The following FADS3 variants were observed in gnomAD, a reference collection of about 807,000 sequenced individuals.
FADS3 encodes the protein cytochrome b5-related protein.
FADS3 carries 30 observed loss-of-function variants against 60.4 expected under a neutral mutation model. The observed-to-expected ratio is 0.50, with a 90% CI of 0.37 to 0.67. The LOEUF is 0.67. FADS3 is among the 30% of genes least tolerant of loss of function. FADS3 has a pLI of 0.00. For missense variants in FADS3, 432 were observed against 598.3 expected, an observed-to-expected ratio of 0.72 and a Z score of 2.90; for synonymous variants, 234 against 249.3, an observed-to-expected ratio of 0.94 and a Z score of 0.58.
chr11:61,878,985 C>T, intron 3 of FADS3, 138 bp from the exon 4 acceptor site: 1 of 713,378 alleles, frequency 1.4e-6, no homozygotes, highest in Non-Finnish European at 2.3e-6. Context: ...CCAGTGTCCT[C>T]TTTTTACAGA....
intron 2 of FADS3, 81 bp downstream of exon 2, chr11:61,879,960 C>T: frequency 1.7e-6 from 2 of 1,205,748 alleles, no homozygotes; most frequent in South Asian, 1.3e-5. Context: ...GGAGCTGCTC[C>T]TGGCCATGTG....
chr11:61,876,054 G>C lies in FADS3; in HGVS notation c.1160+57C>G, dbSNP rs1937865910. The C allele has an allele frequency of 1.2e-6, 2 of 1,608,912 alleles. No homozygotes were observed. Among genetic ancestry groups the C allele is most frequent in the Non-Finnish European group, 1.7e-6 (2 of 1,177,092 alleles). ...GCCCCACCCACGGGTCCCCTCCCAG[G>C]ATCCCCTCCCAGGACCCCCTCCCCA... is the stretch of plus-strand genomic sequence containing the variant. On this transcript the variant is annotated intron_variant, in intron 10 of 11. Transcript: ENST00000278829. The surrounding 1 kb of genome is among the most constrained non-coding windows in gnomAD (Gnocchi z 5.7).
chr11:61,878,859 G>A lies in FADS3; in HGVS notation c.523-12C>T. On this transcript the variant is annotated splice_polypyrimidine_tract_variant and intron_variant, in intron 3 of 11. Coordinates refer to ENST00000278829, the MANE Select transcript of FADS3 (RefSeq NM_021727.5). ...CACCAGGACTGAGCCTGGGGAGAGA[G>A]GCAGGGTCAGAAGCTGTTGGGAAGG... is the stretch of plus-strand genomic sequence containing the variant. 3 of 1,612,348 alleles carry A rather than the reference G, an allele frequency of 1.9e-6. No homozygotes were observed. Among genetic ancestry groups the A allele is most frequent in the Non-Finnish European group, 2.5e-6 (3 of 1,178,684 alleles).
chr11:61,878,232 C>T lies in FADS3; in HGVS notation c.748-17G>A, dbSNP rs953522166. The T allele has an allele frequency of 6.2e-6, 10 of 1,613,314 alleles. No individual in the cohort carries two copies. The highest frequency in any genetic ancestry group is 2.7e-5 in the African/African-American group (2 of 74,908). ...CTTGCCATACTGTGGAGACAGGCGG[C>T]GGCTGGAGACAGCAGCTCTCCAGGC... On this transcript the variant is annotated splice_polypyrimidine_tract_variant and intron_variant, in intron 5 of 11. Coordinates refer to ENST00000278829, the MANE Select transcript of FADS3 (RefSeq NM_021727.5).
intron 1 of FADS3, among the ~76,000 whole-genome samples, chr11:61,888,872 C>T (rs533326209): frequency 6.6e-6 from 1 of 152,138 alleles, no homozygotes; most frequent in East Asian, 1.9e-4. Flanking sequence ...AGCTGGCACC[C>T]GGCCCCAAGG....
At chr11:61,879,999 C>T (rs772796842) in intron 2 of FADS3, 42 bp downstream of exon 2, 118 of 1,514,978 alleles carry the variant, frequency 7.8e-5, no homozygotes, top group Admixed American at 1.7e-5. Context: ...CCAGCCATCC[C>T]CCTCCCTCAG....
Position 61,876,911 on chromosome 11 carries a change from G to C in FADS3, c.938C>G (p.Pro313Arg). 6.2e-7 allele frequency: 1 copy of C among 1,611,138 alleles called. No individual in the cohort carries two copies. The highest frequency in any genetic ancestry group is 2.2e-5 in the East Asian group (1 of 44,794). Reference protein sequence around the residue: ...FYARFFLSYLPFYGVPGVLLF... With the variant: ...FYARFFLSYLRFYGVPGVLLF... ...CAGCACCCCAGGGACGCCGTAGAAG[G>C]GGAGGTAGGATAAGAAGAAGCGGGC... Residue 313 changes from proline (P) to arginine (R), a missense_variant, in exon 8 of 12, where the codon CCC (proline) becomes CGC (arginine). By Grantham distance (103) the Pro-to-Arg change is moderately radical. Transcript: ENST00000278829. This position sits in a 1 kb window ranked among gnomAD's most constrained non-coding sequence, Gnocchi z 5.7.
At position 61,878,348 on chromosome 11, in the gene FADS3, A is replaced by G. The variant is rs554404899; in HGVS notation, c.748-133T>C. Reference sequence around the variant, plus strand: ...TCTAGCAAGCGGGCTGGTCGTCCCCAGCAGGTTGGGAGGTGGGAAGGAAAG... The same window carrying G: ...TCTAGCAAGCGGGCTGGTCGTCCCCGGCAGGTTGGGAGGTGGGAAGGAAAG... On this transcript the variant is annotated intron_variant, in intron 5 of 11. Coordinates refer to ENST00000278829, the MANE Select transcript of FADS3 (RefSeq NM_021727.5). 5.0e-4 allele frequency: 681 copies of G among 1,373,060 alleles called. 3 individuals carry two copies. The highest frequency in any genetic ancestry group is 1.9e-4 in the Middle Eastern group (1 of 5,362). 85.1% of individuals were successfully genotyped at this position (1,373,060 alleles called of 1,614,324 possible). A position where few individuals can be genotyped will look rare whatever the true frequency, so the allele number is the denominator to read the frequency against.
At chr11:61,888,872 C>G (rs533326209) in intron 1 of FADS3, among the ~76,000 whole-genome samples, 105 of 152,256 alleles carry the variant, frequency 6.9e-4, no homozygotes, top group Non-Finnish European at 1.2e-3. Context: ...AGCTGGCACC[C>G]GGCCCCAAGG....
At chr11:61,875,409 T>C (rs1302700023) in intron 11 of FADS3, among the ~76,000 whole-genome samples, 1 of 63,338 alleles carries the variant, frequency 1.6e-5, no homozygotes. Context: ...TTTTTTTTTT[T>C]TTTAGTAGAG....
rs1434392232 is a variant in FADS3, at chr11:61,891,273, T to A, written c.109A>T (p.Lys37Ter). 2 of 1,539,196 alleles carry A rather than the reference T, an allele frequency of 1.3e-6. No individual in the cohort carries two copies. The highest frequency in any genetic ancestry group is 1.9e-4 in the Middle Eastern group (1 of 5,204). ...QIRAHDQPGDKWLVIERRVYD... is the reference protein window; with the variant it reads ...QIRAHDQPGD ...ACGCGGCGCTCGATGACCAGCCACT[T>A]GTCGCCGGGCTGGTCGTGCGCGCGG... Residue 37 changes from lysine to a stop codon, truncating the protein, a stop_gained, in exon 1 of 12, where the codon AAG becomes TAG. Coordinates refer to ENST00000278829, the MANE Select transcript of FADS3 (RefSeq NM_021727.5). LOFTEE classifies it high-confidence loss of function.
In FADS3 at chr11:61,876,804, G is replaced by C. The variant is rs745581019; in HGVS notation, c.983+62C>G. 7.8e-7 allele frequency: 1 copy of C among 1,286,162 alleles called. No homozygotes were observed. Among genetic ancestry groups the C allele is most frequent in the African/African-American group, 1.5e-5 (1 of 68,278 alleles). The allele number at this position is 1,286,162 out of a possible 1,614,324, so 79.7% of individuals were successfully genotyped here. A position where few individuals can be genotyped will look rare whatever the true frequency, so the allele number is the denominator to read the frequency against. On this transcript the variant is annotated intron_variant, in intron 8 of 11. Transcript: ENST00000278829. This position sits in a 1 kb window ranked among gnomAD's most constrained non-coding sequence, Gnocchi z 5.7. ...TGCAGACGGGAAAAGGGAAGCTCTG[G>C]TGGGGGGCTGCAGTGGGGGTCACCT...
chr11:61,878,377 C>T (rs188983760), intron 5 of FADS3, 135 bp downstream of exon 5: 30 of 1,415,340 alleles, frequency 2.1e-5, no homozygotes, highest in African/African-American at 2.8e-5. Context: ...AGGAAAGACA[C>T]GGGGGCAGAG....
chr11:61,875,378 TG>T (rs1161805878), intron 11 of FADS3, among the ~76,000 whole-genome samples: 92 of 7,344 alleles, frequency 0.013, 1 homozygote, highest in African/African-American at 0.043. Flanking sequence ...AGCTAATTTT[TG>T]TTTTTTTTTT....
rs1937895972 is a variant in FADS3, at chr11:61,876,561, T to C, written c.984-106A>G. On this transcript the variant is annotated intron_variant, in intron 8 of 11. Coordinates refer to ENST00000278829, the MANE Select transcript of FADS3 (RefSeq NM_021727.5). The surrounding 1 kb of genome is among the most constrained non-coding windows in gnomAD (Gnocchi z 5.7). ...CAAGTGGCCTTGACTTCCTTATCTG[T>C]ACAATAGGATTGTGGCCATCGCCCC... 1.2e-6 allele frequency: 1 copy of C among 866,840 alleles called. No homozygotes were observed. The highest frequency in any genetic ancestry group is 1.9e-6 in the Non-Finnish European group (1 of 518,026). 53.7% of individuals were successfully genotyped at this position (866,840 alleles called of 1,614,324 possible). A position where few individuals can be genotyped will look rare whatever the true frequency, so the allele number is the denominator to read the frequency against.
chr11:61,888,952 A>G (rs1364073245), intron 1 of FADS3, among the ~76,000 whole-genome samples: 1 of 152,122 alleles, frequency 6.6e-6, no homozygotes, highest in Non-Finnish European at 1.5e-5. Flanking sequence ...CTGGAGTGCA[A>G]TGGCGCGATC....
At chr11:61,879,770 G>A (rs1309576902) in intron 2 of FADS3, among the ~76,000 whole-genome samples, 1 of 152,226 alleles carries the variant, frequency 6.6e-6, no homozygotes, top group Non-Finnish European at 1.5e-5. Flanking sequence ...TTTTGATGGG[G>A]ACACTGGGCG....
chr11:61,878,503 C>T lies in FADS3; in HGVS notation c.747+9G>A, dbSNP rs1241760423. 1 of 1,612,978 alleles carries T rather than the reference C, an allele frequency of 6.2e-7. No individual in the cohort carries two copies. The highest frequency in any genetic ancestry group is 2.2e-5 in the East Asian group (1 of 44,874). On this transcript the variant is annotated intron_variant, in intron 5 of 11. Coordinates refer to ENST00000278829, the MANE Select transcript of FADS3 (RefSeq NM_021727.5). Reference sequence around the variant, plus strand: ...CAGCCAGAGGTTGTCCACGTCCCTCCCCACCCACCTCGACGGATGACTCCC... The same window carrying T: ...CAGCCAGAGGTTGTCCACGTCCCTCTCCACCCACCTCGACGGATGACTCCC...
Position 61,876,070 on chromosome 11 carries a change from C to T in FADS3, c.1160+41G>A, listed in dbSNP as rs943851204. 3 of 1,608,452 alleles carry T rather than the reference C, an allele frequency of 1.9e-6. No individual in the cohort carries two copies. Among genetic ancestry groups the T allele is most frequent in the African/African-American group, 2.7e-5 (2 of 74,864 alleles). On this transcript the variant is annotated intron_variant, in intron 10 of 11. Coordinates refer to ENST00000278829, the MANE Select transcript of FADS3 (RefSeq NM_021727.5). This position sits in a 1 kb window ranked among gnomAD's most constrained non-coding sequence, Gnocchi z 5.7. ...CCCTCCCAGGATCCCCTCCCAGGAC[C>T]CCCTCCCCACCTCCCACTGGCCCCC...
Sources: gnomAD v4.1 joint callset for allele counts (sites outside exome capture counted in the v4.1 genomes callset) on GRCh38, gnomAD v4.1.1 for gene constraint, Gnocchi (gnomAD v3.1) non-coding constraint, MANE v1.5 for transcripts, NCBI Gene and HGNC (gene_info 2026-07-23, HGNC 2026-07-21) for gene names.